The following PM20D1 variants were observed in gnomAD, a reference collection of about 807,000 sequenced individuals.
PM20D1 encodes the protein peptidase M20 domain containing 1.
A neutral mutation model predicts 53.8 loss-of-function variants in PM20D1; 53 were observed. The ratio of observed to expected loss-of-function variants is 0.98; its 90% CI spans 0.79 to 1.24. PM20D1 has a LOEUF of 1.24. Among genes scored for constraint, PM20D1 ranks in the 50% most tolerant of loss-of-function variants. The pLI, the probability that PM20D1 is intolerant of heterozygous loss-of-function variation, is 0.00. For synonymous variants in PM20D1, 239 were observed against 241.3 expected, an observed-to-expected ratio of 0.99 and a Z score of 0.09; for missense variants, 564 against 616.8, an observed-to-expected ratio of 0.91 and a Z score of 0.91.
chr1:205,840,084 A>G (rs559992426), intron 10 of PM20D1, among the ~76,000 whole-genome samples, 168 bp downstream of exon 10: 1 of 152,336 alleles, frequency 6.6e-6, no homozygotes, highest in South Asian at 2.1e-4. Flanking sequence ...ACCCAAACCC[A>G]GGATCTCCAA....
intron 10 of PM20D1, among the ~76,000 whole-genome samples, chr1:205,839,634 A>G (rs1656758828): frequency 6.6e-6 from 1 of 152,162 alleles, no homozygotes; most frequent in South Asian, 2.1e-4. Context: ...TCACAAGGTC[A>G]GGAGATCAAG....
At position 205,842,639 on chromosome 1, in the gene PM20D1, C is replaced by T. The variant is rs779466132; in HGVS notation, c.903+37G>A. ...TTACTTTTCTGTCCGTCTTTTGTTC[C>T]TAGCTGATTAGGAGTATGTGATACT... On this transcript the variant is annotated intron_variant, in intron 7 of 12. Transcript: ENST00000367136. 3.7e-6 allele frequency: 6 copies of T among 1,600,154 alleles called. No individual in the cohort carries two copies. The African/African-American group carries it at 4.0e-5, about 11-fold the overall frequency.
intron 10 of PM20D1, among the ~76,000 whole-genome samples, chr1:205,837,280 C>T (rs1656704535): frequency 6.6e-6 from 1 of 152,170 alleles, no homozygotes. Context: ...TCTTATTGAG[C>T]CCTTTTAGTG....
In PM20D1 at chr1:205,830,393, A is replaced by G; in HGVS notation, c.1286-14T>C. The G allele has an allele frequency of 2.6e-6, 4 of 1,566,560 alleles. No homozygotes were observed. The Admixed American group carries it at 6.7e-5, about 26-fold the overall frequency. On this transcript the variant is annotated splice_polypyrimidine_tract_variant and intron_variant, in intron 11 of 12. Coordinates refer to ENST00000367136, the MANE Select transcript of PM20D1 (RefSeq NM_152491.5). ...CAATAGAAGTAACTAGAGAGGGAAGATCAACAGGAAAGGGGCTTTACATGA... is the reference window on the plus strand; with the variant it reads ...CAATAGAAGTAACTAGAGAGGGAAGGTCAACAGGAAAGGGGCTTTACATGA...
Position 205,844,844 on chromosome 1 carries a change from T to C in PM20D1, c.543A>G (p.Arg181=), listed in dbSNP as rs1281014195. Residue 181 remains arginine (R), a synonymous_variant, in exon 4 of 13, where the codon AGA becomes AGG. Transcript: ENST00000367136. ...LLLIRKYIPR[R]SFFISLGHDE... is the part of the protein sequence containing the mutation. ...CATGGCCCAGAGAAATGAAGAAAGA[T>C]CTTCGGGGGATGTACTTCCTGATCA... The C allele has an allele frequency of 1.9e-6, 3 of 1,613,826 alleles. No individual in the cohort carries two copies. The Admixed American group carries it at 5.0e-5, about 27-fold the overall frequency.
intron 4 of PM20D1, 27 bp from the exon 5 acceptor site, chr1:205,844,244 G>A (rs1175924158): frequency 1.9e-6 from 3 of 1,576,308 alleles, no homozygotes; most frequent in Non-Finnish European, 1.7e-6. Context: ...TAGAGCTATA[G>A]TCCTTCTCAG....
chr1:205,844,017 T>TACC (rs769877581), intron 5 of PM20D1, 70 bp downstream of exon 5: 190 of 1,546,204 alleles, frequency 1.2e-4, no homozygotes, highest in Admixed American at 7.5e-5. Context: ...GGCTCACAGA[T>TACC]ACCAGGCTGG....
At chr1:205,842,792 G>C in intron 6 of PM20D1, 41 bp from the exon 7 acceptor site, 1 of 1,587,822 alleles carries the variant, frequency 6.3e-7, no homozygotes. Context: ...GCGAACCCCA[G>C]CCAAAGATCA....
rs768682709 is a variant in PM20D1, at chr1:205,842,655, ATG to A, written c.903+19_903+20del. On this transcript the variant is annotated intron_variant, in intron 7 of 12. Transcript: ENST00000367136. Reference sequence around the variant, plus strand: ...CTTTTGTTCCTAGCTGATTAGGAGTATGTGATACTTCTTCCCATACCTCATTT... The same window carrying A: ...CTTTTGTTCCTAGCTGATTAGGAGTATGATACTTCTTCCCATACCTCATTT... 6 of 1,611,324 alleles carry A rather than the reference ATG, an allele frequency of 3.7e-6. No individual in the cohort carries two copies. Among genetic ancestry groups the A allele is most frequent in the Non-Finnish European group, 5.1e-6 (6 of 1,177,866 alleles).
At chr1:205,845,924 A>G (rs1656946839) in intron 2 of PM20D1, among the ~76,000 whole-genome samples, 1 of 152,002 alleles carries the variant, frequency 6.6e-6, no homozygotes, top group African/African-American at 2.4e-5. Context: ...CTCTACTAAA[A>G]ATACAAAAAT....
At chr1:205,849,351 C>T (rs1022968976) in intron 1 of PM20D1, among the ~76,000 whole-genome samples, 5 of 152,030 alleles carry the variant, frequency 3.3e-5, no homozygotes, top group Admixed American at 3.3e-4. Context: ...GAACATCCCA[C>T]ACCCCGGGAA....
At chr1:205,841,755 G>C (rs1463236362) in intron 9 of PM20D1, 56 bp downstream of exon 9, 1 of 1,455,082 alleles carries the variant, frequency 6.9e-7, no homozygotes, top group East Asian at 2.5e-5. Flanking sequence ...ATTCAAGGAA[G>C]GGAGGAGTGG....
chr1:205,829,796 T>C (rs889964696), intron 12 of PM20D1: 2 of 153,872 alleles, frequency 1.3e-5, no homozygotes, highest in Non-Finnish European at 2.9e-5. Context: ...CCCACAAAAA[T>C]AGTAATTCAC....
chr1:205,833,059 A>T (rs376402884), intron 10 of PM20D1, among the ~76,000 whole-genome samples: 1 of 152,216 alleles, frequency 6.6e-6, no homozygotes, highest in Non-Finnish European at 1.5e-5. Flanking sequence ...TACATGAGCA[A>T]TCAAACCAAC....
rs768497508 is a variant in PM20D1 at position 205,843,685 on chromosome 1, A to G, written c.809T>C (p.Leu270Pro). ...TGCTTACCGGCTGACAGCAGCTGCA[A>G]GGATGCCAATGCTTGTCTCCTTTGG... is the stretch of plus-strand genomic sequence containing the variant. ...APPKETSIGI[L>P]AAAVSRLEQT... The change falls in exon 6 of 13, where the codon CTT (leucine) becomes CCT (proline). Residue 270 changes from leucine to proline, a missense_variant. Coordinates refer to ENST00000367136, the MANE Select transcript of PM20D1 (RefSeq NM_152491.5). 9.3e-6 allele frequency: 15 copies of G among 1,613,888 alleles called. No individual in the cohort carries two copies. The highest frequency in any genetic ancestry group is 6.7e-5 in the Admixed American group (4 of 59,998).
intron 5 of PM20D1, 135 bp downstream of exon 5, chr1:205,843,952 G>T (rs1656878808): frequency 6.8e-7 from 1 of 1,472,316 alleles, no homozygotes; most frequent in South Asian, 1.3e-5. Context: ...CCTAGGAGAG[G>T]TTAAAGATTG....
chr1:205,840,402 C>T, intron 9 of PM20D1, 79 bp from the exon 10 acceptor site: 2 of 1,369,872 alleles, frequency 1.5e-6, no homozygotes, highest in South Asian at 1.3e-5. Flanking sequence ...ATGCTAATTT[C>T]CTCAGCTCAG....
At position 205,832,646 on chromosome 1, in the gene PM20D1, G is replaced by T; in HGVS notation, c.1237C>A (p.Arg413Ser). The T allele has an allele frequency of 6.2e-7, 1 of 1,614,154 alleles. No individual in the cohort carries two copies. The highest frequency in any genetic ancestry group is 8.5e-7 in the Non-Finnish European group (1 of 1,180,014). Residue 413 changes from arginine to serine, a missense_variant, in exon 11 of 13, where the codon CGC (arginine) becomes AGC (serine). Transcript: ENST00000367136. ...GGGAAGACGGACTGTACGGTCTGGC[G>T]GAGCAGCTGGTAGCCCAAGGCCTTG... Reference protein sequence around the residue: ...DDKALGYQLLRQTVQSVFPEV... With the variant: ...DDKALGYQLLSQTVQSVFPEV...
intron 2 of PM20D1, 145 bp from the exon 3 acceptor site, chr1:205,845,702 C>T (rs550999313): frequency 7.7e-6 from 5 of 650,856 alleles, no homozygotes; most frequent in Non-Finnish European, 1.0e-5. Context: ...CAAAGCTAGT[C>T]TGATTCCTGA....
Sources: gnomAD v4.1 joint callset for allele counts (sites outside exome capture counted in the v4.1 genomes callset) on GRCh38, gnomAD v4.1.1 for gene constraint, MANE v1.5 for transcripts, NCBI Gene and HGNC (gene_info 2026-07-23, HGNC 2026-07-21) for gene names.